The following ANKRD22 variants were observed in gnomAD, a reference collection of about 807,000 sequenced individuals.
The protein encoded by ANKRD22 is ankyrin repeat domain 22.
In ANKRD22, 24 loss-of-function variants were observed where a neutral mutation model predicts 25.7. The ratio of observed to expected loss-of-function variants is 0.93; its 90% confidence interval spans 0.68 to 1.31. The LOEUF is 1.31. Ranked by LOEUF, ANKRD22 falls within the 50% of genes most tolerant of loss-of-function variation. ANKRD22 has a pLI of 0.00. For synonymous variants in ANKRD22, 84 were observed against 84.3 expected, an observed-to-expected ratio of 1.00 and a Z score of 0.02; for missense variants, 214 against 227.1, an observed-to-expected ratio of 0.94 and a Z score of 0.37.
intron 4 of ANKRD22, chr10:88,823,642 A>G (rs1843823362): frequency 3.0e-6 from 1 of 330,278 alleles, no homozygotes; most frequent in African/African-American, 2.1e-5. Context: ...CCTGGCTAAC[A>G]CGGTGAAACC....
intron 1 of ANKRD22, among the ~76,000 whole-genome samples, chr10:88,842,138 G>C (rs1844008495): frequency 6.6e-6 from 1 of 152,034 alleles, no homozygotes; most frequent in Non-Finnish European, 1.5e-5. Context: ...CTAAATGTAA[G>C]TCTCCTTTGG....
At chr10:88,840,131 CT>C (rs1235617483) in intron 1 of ANKRD22, among the ~76,000 whole-genome samples, 2 of 152,082 alleles carry the variant, frequency 1.3e-5, no homozygotes, top group Non-Finnish European at 2.9e-5. Flanking sequence ...TTTTTGTGTC[CT>C]TTTGCCTTCC....
At position 88,820,273 on chromosome 10, in the gene ANKRD22, T is replaced by C; in HGVS notation, c.*2668A>G. The C allele has an allele frequency of 1.3e-6, 2 of 1,551,940 alleles. No individual in the cohort carries two copies. Among genetic ancestry groups the C allele is most frequent in the Non-Finnish European group, 1.7e-6 (2 of 1,147,052 alleles). On this transcript the variant is annotated 3_prime_UTR_variant, in exon 6 of 6. Transcript: ENST00000371930. The stretch of plus-strand genomic sequence containing the variant: ...ACAGAGTCAGAGATATGACGGTCCC[T>C]ACAGCAATGTGGACAGGAGGTCAGG...
At position 88,834,664 on chromosome 10, in the gene ANKRD22, A is replaced by T. The variant is rs925412376; in HGVS notation, c.22-2638T>A. On this transcript the variant is annotated intron_variant, in intron 1 of 5. Coordinates refer to ENST00000371930, the MANE Select transcript of ANKRD22 (RefSeq NM_144590.3). ...AAATGGAAAGTTTTGGCTGGGCGCG[A>T]TGGCTTACGCCTGTAATCCTAGCAC... is the stretch of plus-strand genomic sequence containing the variant. Among the ~76,000 whole-genome samples, 20 of 152,342 alleles carry T rather than the reference A, an allele frequency of 1.3e-4. No individual in the cohort carries two copies. In the East Asian group the frequency reaches 2.9e-3, roughly 22 times the overall value.
chr10:88,850,195 A>G (rs1157666103), intron 1 of ANKRD22, among the ~76,000 whole-genome samples: 3 of 152,150 alleles, frequency 2.0e-5, no homozygotes, highest in Non-Finnish European at 4.4e-5. Context: ...AAGAGTCTCA[A>G]ACTCTTTAAA....
rs745637089 is a variant in ANKRD22 at position 88,823,390 on chromosome 10, A to G, written c.400-12T>C. On this transcript the variant is annotated splice_polypyrimidine_tract_variant and intron_variant, in intron 4 of 5. Coordinates refer to ENST00000371930, the MANE Select transcript of ANKRD22 (RefSeq NM_144590.3). ...GCGGTACAGCCATACTGAAACACAA[A>G]GGGCCAAAACTTCAGCTCATAAGTC... 45 of 1,606,310 alleles carry G rather than the reference A, an allele frequency of 2.8e-5. No individual in the cohort carries two copies. Among genetic ancestry groups the G allele is most frequent in the Non-Finnish European group, 3.7e-5 (43 of 1,173,048 alleles).
intron 2 of ANKRD22, among the ~76,000 whole-genome samples, chr10:88,830,130 C>T (rs1843890719): frequency 6.6e-6 from 1 of 152,162 alleles, no homozygotes; most frequent in Admixed American, 6.5e-5. Context: ...AATAATATTG[C>T]CTGAACCTGC....
intron 1 of ANKRD22, among the ~76,000 whole-genome samples, chr10:88,835,307 GAC>G: frequency 6.6e-6 from 1 of 152,112 alleles, no homozygotes; most frequent in East Asian, 1.9e-4. Flanking sequence ...CTAGATCCAA[GAC>G]ACAGAGTTAC....
rs150973848 is a variant in ANKRD22 at position 88,835,447 on chromosome 10, T to G, written c.22-3421A>C. Among the ~76,000 whole-genome samples, 932 of 152,224 alleles carry G rather than the reference T, an allele frequency of 6.1e-3. 11 individuals carry two copies. Among genetic ancestry groups the G allele is most frequent in the African/African-American group, 0.021 (860 of 41,540 alleles). On this transcript the variant is annotated intron_variant, in intron 1 of 5. Coordinates refer to ENST00000371930, the MANE Select transcript of ANKRD22 (RefSeq NM_144590.3). ...TGTCATTGTGGGAACATCACAGAGT[T>G]TACTTACACAAACCTAGATGGTAGA...
At chr10:88,828,688 C>A (rs1406519715) in intron 2 of ANKRD22, 22 bp from the exon 3 acceptor site, 1 of 1,505,316 alleles carries the variant, frequency 6.6e-7, no homozygotes, top group Non-Finnish European at 9.1e-7. Flanking sequence ...GAAAAGGATT[C>A]TTTACTAATA....
intron 1 of ANKRD22, among the ~76,000 whole-genome samples, chr10:88,843,297 A>G (rs1844019597): frequency 6.6e-6 from 1 of 152,160 alleles, no homozygotes; most frequent in Admixed American, 6.6e-5. Context: ...GGTTGCTGAA[A>G]GACCTCATCC....
At chr10:88,827,229 A>C (rs1589322658) in intron 3 of ANKRD22, among the ~76,000 whole-genome samples, 1 of 151,676 alleles carries the variant, frequency 6.6e-6, no homozygotes, top group Middle Eastern at 3.4e-3. Flanking sequence ...GAAATAACCC[A>C]ATGCTTTCCT....
intron 1 of ANKRD22, among the ~76,000 whole-genome samples, chr10:88,832,911 C>G (rs1349207770): frequency 6.6e-6 from 1 of 152,170 alleles, no homozygotes; most frequent in Non-Finnish European, 1.5e-5. Context: ...GCCCTGAATA[C>G]TCTCTCTGCA....
At chr10:88,832,487 ATCTTTAGTAAAGACAAAATGTCTT>A in intron 1 of ANKRD22, among the ~76,000 whole-genome samples, 2 of 152,116 alleles carry the variant, frequency 1.3e-5, no homozygotes, top group Middle Eastern at 3.4e-3. Context: ...AAATATCTTT[ATCTTTAGTAAAGACAAAATGTCTT>A]TATCTTTATC....
chr10:88,823,280 C>G lies in ANKRD22; in HGVS notation c.498G>C (p.Lys166Asn). ...EARADPTIKN[K>N]HGESSLDIAR... ...CAGACCACGGTCCACCCTCCCTTAC[C>G]TTATTCTTTATTGTGGGGTCTGCAC... Residue 166 changes from lysine to asparagine, a missense_variant and splice_region_variant, in exon 5 of 6, where the codon AAG (lysine) becomes AAC (asparagine). Coordinates refer to ENST00000371930, the MANE Select transcript of ANKRD22 (RefSeq NM_144590.3). The G allele has an allele frequency of 6.2e-7, 1 of 1,610,726 alleles. No homozygotes were observed.
chr10:88,840,146 A>G lies in ANKRD22; in HGVS notation c.22-8120T>C, dbSNP rs563951722. On this transcript the variant is annotated intron_variant, in intron 1 of 5. Coordinates refer to ENST00000371930, the MANE Select transcript of ANKRD22 (RefSeq NM_144590.3). Reference sequence around the variant, plus strand: ...TTTTTGTGTCCTTTTGCCTTCCCACATGTTTGTCTTTAAAAGGAGTCAAGA... The same window carrying G: ...TTTTTGTGTCCTTTTGCCTTCCCACGTGTTTGTCTTTAAAAGGAGTCAAGA... Among the ~76,000 whole-genome samples the G allele has an allele frequency of 9.8e-4, 149 of 152,246 alleles. No homozygotes were observed. In the Middle Eastern group the frequency reaches 0.01, roughly 10 times the overall value.
rs753377013 is a variant in ANKRD22, at chr10:88,828,607, T to C, written c.273A>G (p.Leu91=). 6 of 1,611,352 alleles carry C rather than the reference T, an allele frequency of 3.7e-6. No individual in the cohort carries two copies. The highest frequency in any genetic ancestry group is 5.1e-6 in the Non-Finnish European group (6 of 1,178,450). ...GAACAGGCATTAAGAGGATAATTAGTAGATAATCAATGAAGGTAAATTTTT... is the reference window on the plus strand; with the variant it reads ...GAACAGGCATTAAGAGGATAATTAGCAGATAATCAATGAAGGTAAATTTTT... ...VKKKFTFIDY[L]LIILLMPVLL... The change falls in exon 3 of 6, where the codon CTA becomes CTG. Residue 91 remains leucine, a synonymous_variant. Coordinates refer to ENST00000371930, the MANE Select transcript of ANKRD22 (RefSeq NM_144590.3).
intron 1 of ANKRD22, among the ~76,000 whole-genome samples, chr10:88,844,712 A>T (rs1305843928): frequency 1.3e-5 from 2 of 152,012 alleles, no homozygotes; most frequent in African/African-American, 4.8e-5. Flanking sequence ...TTTCCTTTAA[A>T]ATTACAAGTG....
At chr10:88,848,152 A>G (rs900180716) in intron 1 of ANKRD22, among the ~76,000 whole-genome samples, 2 of 145,990 alleles carry the variant, frequency 1.4e-5, no homozygotes, top group East Asian at 4.0e-4. Context: ...ATATGCGTGT[A>G]TATATATATA....
Sources: allele counts gnomAD v4.1 joint callset (sites outside exome capture counted in the v4.1 genomes callset), GRCh38; gene constraint gnomAD v4.1.1; transcripts MANE v1.5; gene names NCBI Gene and HGNC (gene_info 2026-07-23, HGNC 2026-07-21).